Variants in HIBADH observed in about 807,000 individuals in gnomAD.
The protein encoded by HIBADH is 3-hydroxyisobutyrate dehydrogenase, mitochondrial.
A neutral mutation model predicts 36.1 loss-of-function variants in HIBADH; 25 were observed. The ratio of observed to expected loss-of-function variants is 0.69; its 90% confidence interval spans 0.50 to 0.97. The LOEUF (loss-of-function observed/expected upper bound fraction) is 0.97, where lower values mean the gene tolerates loss of function less well. Among genes scored for constraint, HIBADH ranks in the 50% least tolerant of loss-of-function variants. HIBADH has a pLI of 0.00. For synonymous variants in HIBADH, 160 were observed against 149.5 expected (o/e 1.07, Z -0.51); for missense variants, 421 against 418.0 (o/e 1.01, Z -0.06).
intron 4 of HIBADH, among the ~76,000 whole-genome samples, chr7:27,611,743 G>A (rs1340054653): frequency 6.6e-6 from 1 of 152,126 alleles, no homozygotes; most frequent in South Asian, 2.1e-4. Flanking sequence ...TCAGGTACAG[G>A]TTATTCAATT....
intron 4 of HIBADH, among the ~76,000 whole-genome samples, chr7:27,576,099 T>TA (rs1784705207): frequency 6.6e-6 from 1 of 151,974 alleles, no homozygotes; most frequent in South Asian, 2.1e-4. Context: ...AGGAAAGAAA[T>TA]AAGACAGCAG....
chr7:27,526,813 G>A (rs756924425), intron 7 of HIBADH, among the ~76,000 whole-genome samples: 14 of 152,120 alleles, frequency 9.2e-5, no homozygotes, highest in Admixed American at 3.3e-4. Flanking sequence ...CAGAAGCTGG[G>A]ATAAAATGAT....
intron 4 of HIBADH, among the ~76,000 whole-genome samples, chr7:27,577,915 C>T (rs1784737538): frequency 6.6e-6 from 1 of 152,180 alleles, no homozygotes; most frequent in African/African-American, 2.4e-5. Context: ...CCTTCTGCAA[C>T]AACTGAATCA....
chr7:27,553,976 G>A (rs1056311015), intron 4 of HIBADH, among the ~76,000 whole-genome samples: 5 of 152,014 alleles, frequency 3.3e-5, no homozygotes, highest in Non-Finnish European at 7.4e-5. Flanking sequence ...AGCCTCCCAA[G>A]TAGCTGGGTT....
At chr7:27,527,942 T>TTTTTTTTTTCTTTTTTTTTTTTTA (rs778059186) in intron 7 of HIBADH, among the ~76,000 whole-genome samples, 1 of 115,200 alleles carries the variant, frequency 8.7e-6, no homozygotes, top group Non-Finnish European at 2.0e-5. Flanking sequence ...TTTTTTTTTT[T>TTTTTTTTTTCTTTTTTTTTTTTTA]AGTAGAGACA....
intron 1 of HIBADH, among the ~76,000 whole-genome samples, chr7:27,660,768 A>G (rs1786400660): frequency 6.6e-6 from 1 of 152,180 alleles, no homozygotes; most frequent in African/African-American, 2.4e-5. Context: ...ATATTCTGAC[A>G]ATTACCTTTG....
intron 4 of HIBADH, among the ~76,000 whole-genome samples, chr7:27,609,895 C>T (rs79667271): frequency 0.013 from 1,922 of 152,132 alleles, 32 homozygotes; most frequent in African/African-American, 0.039. Flanking sequence ...TGGCTCACTG[C>T]GACCTCAGCC....
chr7:27,662,680 G>A lies in HIBADH; in HGVS notation c.91+18C>T. 3 of 1,287,060 alleles carry A rather than the reference G, an allele frequency of 2.3e-6. No homozygotes were observed. Among genetic ancestry groups the A allele is most frequent in the South Asian group, 4.7e-5 (2 of 42,794 alleles). The allele number at this position is 1,287,060 out of a possible 1,614,324, so 79.7% of individuals were successfully genotyped here. The stretch of plus-strand genomic sequence containing the variant: ...CGGCCGAAAGAAGGACAAGGGGGAG[G>A]AGGCGTGAGGTCCTTACCCGCTGCA... On this transcript the variant is annotated intron_variant, in intron 1 of 7. Transcript: ENST00000265395.
At chr7:27,561,835 A>T (rs1037441204) in intron 4 of HIBADH, among the ~76,000 whole-genome samples, 6 of 152,158 alleles carry the variant, frequency 3.9e-5, no homozygotes, top group Admixed American at 1.3e-4. Context: ...AAGCCTTTTA[A>T]TTAGTAATGA....
chr7:27,657,980 G>T (rs985938162), intron 1 of HIBADH, among the ~76,000 whole-genome samples: 4 of 152,158 alleles, frequency 2.6e-5, no homozygotes, highest in Non-Finnish European at 5.9e-5. Context: ...TGGTCAAGTT[G>T]TAGCAGTACA....
intron 4 of HIBADH, among the ~76,000 whole-genome samples, chr7:27,608,923 G>A (rs1447122360): frequency 6.6e-6 from 1 of 152,154 alleles, no homozygotes; most frequent in Non-Finnish European, 1.5e-5. Flanking sequence ...ACCATGTAAA[G>A]AGAACACAGG....
At chr7:27,610,863 A>G (rs978589021) in intron 4 of HIBADH, among the ~76,000 whole-genome samples, 14 of 152,230 alleles carry the variant, frequency 9.2e-5, no homozygotes, top group Admixed American at 2.6e-4. Flanking sequence ...CTTTTACCAT[A>G]AATTAGATAC....
At chr7:27,618,095 A>G (rs1450721651) in intron 4 of HIBADH, among the ~76,000 whole-genome samples, 2 of 152,154 alleles carry the variant, frequency 1.3e-5, no homozygotes, top group East Asian at 3.9e-4. Context: ...TTGCAAAGGA[A>G]GAGTGAACTC....
chr7:27,644,495 G>C (rs1454006781), intron 2 of HIBADH, among the ~76,000 whole-genome samples: 2 of 151,580 alleles, frequency 1.3e-5, no homozygotes, highest in African/African-American at 4.9e-5. Context: ...AGCTACTCAG[G>C]AGTCTGAGAC....
intron 4 of HIBADH, among the ~76,000 whole-genome samples, chr7:27,547,494 A>C (rs917450179): frequency 2.6e-5 from 4 of 152,066 alleles, no homozygotes; most frequent in African/African-American, 9.7e-5. Context: ...TGGCTCATTC[A>C]CTCACATCCA....
chr7:27,631,550 T>A (rs1473857871), intron 3 of HIBADH, among the ~76,000 whole-genome samples: 1 of 152,186 alleles, frequency 6.6e-6, no homozygotes, highest in Non-Finnish European at 1.5e-5. Flanking sequence ...AACAGTGACA[T>A]GACAAAACTA....
intron 4 of HIBADH, among the ~76,000 whole-genome samples, chr7:27,587,363 A>T (rs1468987212): frequency 6.6e-6 from 1 of 152,194 alleles, no homozygotes; most frequent in East Asian, 1.9e-4. Flanking sequence ...CACACTTGAC[A>T]GATGATTTTA....
chr7:27,649,437 T>C, intron 2 of HIBADH, 36 bp downstream of exon 2: 1 of 1,528,930 alleles, frequency 6.5e-7, no homozygotes, highest in Non-Finnish European at 8.8e-7. Flanking sequence ...TTTTTCATTC[T>C]CAAAATCTAA....
chr7:27,567,922 T>C (rs1784571692), intron 4 of HIBADH, among the ~76,000 whole-genome samples: 1 of 152,176 alleles, frequency 6.6e-6, no homozygotes, highest in Non-Finnish European at 1.5e-5. Context: ...ACTCCTTGAT[T>C]TTCCATGGGG....
Sources: allele counts gnomAD v4.1 joint callset (sites outside exome capture counted in the v4.1 genomes callset), GRCh38; gene constraint gnomAD v4.1.1; transcripts MANE v1.5; gene names NCBI Gene and HGNC (gene_info 2026-07-23, HGNC 2026-07-21).